The following ANKRD31 variants were observed in gnomAD, a reference collection of about 807,000 sequenced individuals.
The protein encoded by ANKRD31 is ankyrin repeat domain-containing protein 31.
Under a neutral mutation model 186.0 loss-of-function variants are expected in ANKRD31, and 147 were observed. That is an observed-to-expected ratio of 0.79 (90% confidence interval 0.69 to 0.91). ANKRD31 has a LOEUF of 0.91. Ranked by LOEUF, ANKRD31 falls within the 40% of genes least tolerant of loss-of-function variation. The probability of loss-of-function intolerance (pLI) is 0.00; values close to 1 mark genes in which losing one functional copy is unlikely to be tolerated. For missense variants in ANKRD31, 1,986 were observed against 2,148.8 expected, an observed-to-expected ratio of 0.92 and a Z score of 1.50; for synonymous variants, 673 against 736.4, an observed-to-expected ratio of 0.91 and a Z score of 1.39.
At chr5:75,222,407 G>T in intron 2 of ANKRD31, 49 bp from the exon 3 acceptor site, 1 of 1,330,846 alleles carries the variant, frequency 7.5e-7, no homozygotes. Flanking sequence ...TTATTGCTCT[G>T]CTTTGATAAT....
intron 10 of ANKRD31, among the ~76,000 whole-genome samples, chr5:75,182,877 G>T (rs1754428759): frequency 6.6e-6 from 1 of 152,116 alleles, no homozygotes; most frequent in South Asian, 2.1e-4. Context: ...CTATTTTAAA[G>T]TTACTGAAGA....
chr5:75,111,438 T>C (rs892946318), intron 20 of ANKRD31, among the ~76,000 whole-genome samples: 18 of 152,196 alleles, frequency 1.2e-4, no homozygotes, highest in Non-Finnish European at 1.9e-4. Flanking sequence ...TATTTTATAT[T>C]AGTTTCCTCC....
chr5:75,176,781 G>GA (rs1491375468), intron 10 of ANKRD31, among the ~76,000 whole-genome samples: 1 of 150,220 alleles, frequency 6.7e-6, no homozygotes, highest in Non-Finnish European at 1.5e-5. Context: ...CAAAGATGGG[G>GA]AAAAAACAGA....
intron 15 of ANKRD31, among the ~76,000 whole-genome samples, chr5:75,139,566 C>T (rs761077420): frequency 3.6e-4 from 54 of 151,780 alleles, no homozygotes; most frequent in Non-Finnish European, 6.6e-4. Context: ...CAAAACCATG[C>T]TAAAATGACA....
intron 5 of ANKRD31, among the ~76,000 whole-genome samples, 133 bp downstream of exon 5, chr5:75,206,249 ATATATATATATATATATATATATATATAT>A (rs1756214078): frequency 1.3e-3 from 2 of 1,600 alleles, no homozygotes. Context: ...AAAAAAAAAA[ATATATATATATATATATATATATATATAT>A]ATATATATAT....
Position 75,116,587 on chromosome 5 carries a change from T to A in ANKRD31, c.4134A>T (p.Arg1378Ser), listed in dbSNP as rs1299187444. The change falls in exon 19 of 26, where the codon AGA becomes AGT. Residue 1378 changes from arginine to serine, a missense_variant. Coordinates refer to ENST00000506364, the MANE Select transcript of ANKRD31 (RefSeq NM_001372053.1). ...IDSSSLSHQE[R>S]SRESLSVHQT... ...TCACCACAGAAAGGCTTTCTCTTGA[T>A]CTTTCTTGGTGTGAAAGGGAAGATG... 1.4e-6 allele frequency: 2 copies of A among 1,442,972 alleles called. No individual in the cohort carries two copies. Among genetic ancestry groups the A allele is most frequent in the Admixed American group, 4.3e-5 (2 of 46,800 alleles). The allele number at this position is 1,442,972 out of a possible 1,614,324, so 89.4% of individuals were successfully genotyped here. A position where few individuals can be genotyped will look rare whatever the true frequency, so the allele number is the denominator to read the frequency against.
intron 17 of ANKRD31, among the ~76,000 whole-genome samples, chr5:75,137,125 C>T (rs994962255): frequency 6.6e-6 from 1 of 152,014 alleles, no homozygotes; most frequent in African/African-American, 2.4e-5. Flanking sequence ...AACAAACATG[C>T]ACGTTGTGCA....
intron 11 of ANKRD31, among the ~76,000 whole-genome samples, chr5:75,155,340 T>A (rs1356152913): frequency 6.6e-6 from 1 of 152,242 alleles, no homozygotes; most frequent in South Asian, 2.1e-4. Context: ...ATATACACTC[T>A]GTATTTTGCC....
intron 10 of ANKRD31, among the ~76,000 whole-genome samples, chr5:75,184,661 A>G (rs868096904): frequency 6.6e-6 from 1 of 152,290 alleles, no homozygotes. Context: ...CAAAACCACA[A>G]TAATGTATCA....
chr5:75,199,706 T>A, intron 5 of ANKRD31, 32 bp from the exon 6 acceptor site: 1 of 1,519,678 alleles, frequency 6.6e-7, no homozygotes, highest in Non-Finnish European at 8.8e-7. Context: ...TCATTCCAGT[T>A]TTATGGAAGC....
chr5:75,208,422 C>G (rs1384997888), intron 4 of ANKRD31, among the ~76,000 whole-genome samples: 1 of 152,038 alleles, frequency 6.6e-6, no homozygotes, highest in African/African-American at 2.4e-5. Flanking sequence ...TCCCCTCACC[C>G]CCCACCCCAT....
At chr5:75,123,909 G>A (rs932598768) in intron 17 of ANKRD31, among the ~76,000 whole-genome samples, 5 of 151,692 alleles carry the variant, frequency 3.3e-5, no homozygotes, top group African/African-American at 9.7e-5. Flanking sequence ...CATAAGCAAC[G>A]AAAACAAAAA....
chr5:75,230,725 T>C, intron 1 of ANKRD31, 90 bp from the exon 2 acceptor site: 1 of 932,190 alleles, frequency 1.1e-6, no homozygotes. Flanking sequence ...ATACCAAAAC[T>C]TGCTAAAATT....
At chr5:75,161,453 G>A (rs754523529) in intron 11 of ANKRD31, among the ~76,000 whole-genome samples, 10 of 152,160 alleles carry the variant, frequency 6.6e-5, no homozygotes, top group Non-Finnish European at 1.5e-4. Context: ...TGCTGCTAAA[G>A]GCATTCAGTT....
At chr5:75,102,722 C>A (rs1747005747) in intron 22 of ANKRD31, among the ~76,000 whole-genome samples, 1 of 152,164 alleles carries the variant, frequency 6.6e-6, no homozygotes, top group Non-Finnish European at 1.5e-5. Context: ...GGCATGGGAC[C>A]CTCCAAGCCA....
At chr5:75,178,432 T>G (rs1360218642) in intron 10 of ANKRD31, among the ~76,000 whole-genome samples, 2 of 152,178 alleles carry the variant, frequency 1.3e-5, no homozygotes, top group Non-Finnish European at 2.9e-5. Flanking sequence ...AGAATATACA[T>G]TCTTTTCAGC....
At chr5:75,195,528 T>C (rs1755402004) in intron 7 of ANKRD31, 103 bp downstream of exon 7, 2 of 1,002,926 alleles carry the variant, frequency 2.0e-6, no homozygotes, top group East Asian at 5.3e-5. Context: ...CATAGACTCA[T>C]ATTTTCAGCT....
rs561549054 is a variant in ANKRD31 at position 75,175,738 on chromosome 5, C to T, written c.1565-6617G>A. ...TGCTGGGGTGTTTAGTGATAAAACA[C>T]ACTGTTGGTTGGGGTGGAGCCAAGA... On this transcript the variant is annotated intron_variant, in intron 10 of 25. Transcript: ENST00000506364. 3.3e-5 allele frequency among the ~76,000 whole-genome samples: 5 copies of T among 152,054 alleles called. No homozygotes were observed. In the East Asian group the frequency reaches 9.7e-4, roughly 29 times the overall value.
intron 7 of ANKRD31, 106 bp downstream of exon 7, chr5:75,195,525 T>C (rs988645964): frequency 1.0e-6 from 1 of 960,378 alleles, no homozygotes. Context: ...AATCATAGAC[T>C]CATATTTTCA....
Sources: allele counts gnomAD v4.1 joint callset (sites outside exome capture counted in the v4.1 genomes callset), GRCh38; gene constraint gnomAD v4.1.1; transcripts MANE v1.5; gene names NCBI Gene and HGNC (gene_info 2026-07-23, HGNC 2026-07-21).